GMDS: variants seen among roughly 807,000 people sequenced by gnomAD.
GMDS encodes GDP-mannose 4,6-dehydratase, also known as GDP-mannose 4,6 dehydratase.
GMDS carries 20 observed loss-of-function variants against 49.9 expected under a neutral mutation model. The observed-to-expected ratio is 0.40, with a 90% CI of 0.28 to 0.58. GMDS has a LOEUF of 0.58. Among genes scored for constraint, GMDS ranks in the 20% least tolerant of loss-of-function variants. The pLI is 0.42. For synonymous variants in GMDS, 177 were observed against 178.6 expected (o/e 0.99, Z 0.07); for missense variants, 362 against 481.4 (o/e 0.75, Z 2.32).
At chr6:1,982,173 G>A (rs1765256621) in intron 4 of GMDS, among the ~76,000 whole-genome samples, 1 of 152,132 alleles carries the variant, frequency 6.6e-6, no homozygotes, top group Non-Finnish European at 1.5e-5. Flanking sequence ...AGGCGTGGTG[G>A]TAGGTGTCTG....
At chr6:1,773,684 A>C (rs554231106) in intron 7 of GMDS, among the ~76,000 whole-genome samples, 13 of 152,358 alleles carry the variant, frequency 8.5e-5, no homozygotes, top group Admixed American at 3.3e-4. Flanking sequence ...TGTCTGACAC[A>C]GGAATTCTAA....
At chr6:1,830,534 T>C (rs1756573598) in intron 7 of GMDS, among the ~76,000 whole-genome samples, 1 of 152,112 alleles carries the variant, frequency 6.6e-6, no homozygotes, top group African/African-American at 2.4e-5. Context: ...TGTTAAGAAA[T>C]AAAGACAAGA....
At chr6:1,633,907 G>A (rs1763069720) in intron 9 of GMDS, among the ~76,000 whole-genome samples, 1 of 152,210 alleles carries the variant, frequency 6.6e-6, no homozygotes, top group African/African-American at 2.4e-5. Context: ...CCGCCTGCAG[G>A]CTGTGGCTGG....
intron 9 of GMDS, among the ~76,000 whole-genome samples, chr6:1,653,257 G>A (rs931610405): frequency 8.5e-5 from 13 of 152,154 alleles, no homozygotes; most frequent in African/African-American, 3.1e-4. Flanking sequence ...TCACTTACAA[G>A]TACTTCACTT....
At chr6:2,179,786 C>G (rs1177128444) in intron 1 of GMDS, among the ~76,000 whole-genome samples, 1 of 151,896 alleles carries the variant, frequency 6.6e-6, no homozygotes, top group Non-Finnish European at 1.5e-5. Context: ...GGTGATAAAC[C>G]CATCTATCTA....
At chr6:2,217,072 G>C (rs186941325) in intron 1 of GMDS, among the ~76,000 whole-genome samples, 2 of 152,128 alleles carry the variant, frequency 1.3e-5, no homozygotes, top group East Asian at 1.9e-4. Context: ...CGCTCAGCAC[G>C]TGGACTCGAG....
chr6:2,017,036 G>C (rs1049199487), intron 4 of GMDS, among the ~76,000 whole-genome samples: 2 of 151,520 alleles, frequency 1.3e-5, no homozygotes, highest in South Asian at 4.2e-4. Flanking sequence ...CAGAAGAAAA[G>C]AAATAAACAT....
At chr6:1,862,106 C>T (rs1176780272) in intron 7 of GMDS, among the ~76,000 whole-genome samples, 1 of 152,108 alleles carries the variant, frequency 6.6e-6, no homozygotes. Flanking sequence ...GATTTACAGA[C>T]AATAACTAGA....
intron 4 of GMDS, among the ~76,000 whole-genome samples, chr6:1,967,891 C>T (rs1764358581): frequency 6.6e-6 from 1 of 152,136 alleles, no homozygotes; most frequent in Admixed American, 6.5e-5. Context: ...TTAAAGGAAA[C>T]AGAAAATTAG....
At chr6:1,994,543 G>A (rs962906393) in intron 4 of GMDS, among the ~76,000 whole-genome samples, 1 of 152,094 alleles carries the variant, frequency 6.6e-6, no homozygotes, top group African/African-American at 2.4e-5. Context: ...AAAGATAAAT[G>A]AGGCGCAAAC....
chr6:1,913,656 A>G (rs1357436386), intron 7 of GMDS, among the ~76,000 whole-genome samples: 3 of 152,228 alleles, frequency 2.0e-5, no homozygotes, highest in Non-Finnish European at 2.9e-5. Flanking sequence ...AGAAGCCCAT[A>G]GTATAAGTTT....
At chr6:1,848,906 C>T (rs1041026680) in intron 7 of GMDS, among the ~76,000 whole-genome samples, 4 of 152,192 alleles carry the variant, frequency 2.6e-5, no homozygotes, top group Non-Finnish European at 5.9e-5. Flanking sequence ...GCATCACTGA[C>T]GTTTTGGGCC....
rs1322623003 is a variant in GMDS, at chr6:1,895,141, T to C, written c.771+34962A>G. On this transcript the variant is annotated intron_variant, in intron 7 of 10. Transcript: ENST00000380815. ...TGGCACTTGGACTAACTTTATCCGA[T>C]GGGCAACGAGTTTGGGGAGTGCCTG... 4.6e-5 allele frequency among the ~76,000 whole-genome samples: 7 copies of C among 152,320 alleles called. 1 individual carries two copies. In the South Asian group the frequency reaches 1.0e-3, roughly 23 times the overall value.
chr6:2,019,713 G>A (rs1216554329), intron 4 of GMDS, among the ~76,000 whole-genome samples: 1 of 152,144 alleles, frequency 6.6e-6, no homozygotes, highest in Non-Finnish European at 1.5e-5. Flanking sequence ...GCCTCCCAAA[G>A]TCCTGAGATT....
At chr6:1,651,298 T>C (rs902381424) in intron 9 of GMDS, among the ~76,000 whole-genome samples, 4 of 152,156 alleles carry the variant, frequency 2.6e-5, no homozygotes, top group Non-Finnish European at 5.9e-5. Context: ...GTCCGGCTGG[T>C]GTGAGGGAGC....
rs2113783949 is a variant in GMDS, at chr6:1,860,557, T to C, written c.771+69546A>G. 2.0e-5 allele frequency among the ~76,000 whole-genome samples: 3 copies of C among 152,334 alleles called. 1 individual carries two copies. The South Asian group carries it at 6.2e-4, about 32-fold the overall frequency. On this transcript the variant is annotated intron_variant, in intron 7 of 10. Transcript: ENST00000380815. ...TTGATGATGGTGGTAGTTACAGGCC[T>C]ATATGCAGTTTTTAAATCATAGAAC...
rs565977603 is a variant in GMDS at position 1,624,946 on chromosome 6, G to C, written c.988-406C>G. ...GAGGGAAGTGAGTAAATCACCAGGC[G>C]CCCCTCCCAGCTGCCCGTGTCCCTG... On this transcript the variant is annotated intron_variant, in intron 9 of 10. Transcript: ENST00000380815. Among the ~76,000 whole-genome samples the C allele has an allele frequency of 6.2e-5, 9 of 146,192 alleles. No individual in the cohort carries two copies. The South Asian group carries it at 2.0e-3, about 33-fold the overall frequency.
chr6:1,721,303 T>C (rs1049948845), intron 9 of GMDS, among the ~76,000 whole-genome samples: 1 of 152,190 alleles, frequency 6.6e-6, no homozygotes, highest in Non-Finnish European at 1.5e-5. Context: ...TTTGAAGTTA[T>C]TGCTTTCTTA....
At chr6:2,113,289 T>G (rs562491921) in intron 4 of GMDS, among the ~76,000 whole-genome samples, 1 of 152,056 alleles carries the variant, frequency 6.6e-6, no homozygotes, top group East Asian at 1.9e-4. Flanking sequence ...CATTCCTCAC[T>G]CCCACCCCCA....
Sources: gnomAD v4.1 joint callset for allele counts (sites outside exome capture counted in the v4.1 genomes callset) on GRCh38, gnomAD v4.1.1 for gene constraint, MANE v1.5 for transcripts, NCBI Gene and HGNC (gene_info 2026-07-23, HGNC 2026-07-21) for gene names.